ADGRB3: variants seen among roughly 807,000 people sequenced by gnomAD.
The protein encoded by ADGRB3 is brain-specific angiogenesis inhibitor 3.
ADGRB3 carries 37 observed loss-of-function variants against 193.4 expected under a neutral mutation model. That is an observed-to-expected ratio of 0.19 (90% CI 0.15 to 0.25). The LOEUF (loss-of-function observed/expected upper bound fraction) is 0.25, where lower values mean the gene tolerates loss of function less well. Ranked by LOEUF, ADGRB3 falls within the 10% of genes least tolerant of loss-of-function variation. The pLI is 1.00. For synonymous variants in ADGRB3, 690 were observed against 644.2 expected (o/e 1.07, Z -1.08); for missense variants, 1,637 against 1,852.9 (o/e 0.88, Z 2.14).
chr6:68,815,880 T>C (rs1463325205), intron 3 of ADGRB3, among the ~76,000 whole-genome samples: 2 of 152,066 alleles, frequency 1.3e-5, no homozygotes, highest in Admixed American at 1.3e-4. Flanking sequence ...TATTTTTGAT[T>C]TTACACTGGT....
chr6:68,862,887 T>G (rs563952), intron 3 of ADGRB3, among the ~76,000 whole-genome samples: 132,958 of 152,122 alleles, frequency 0.87, 58,367 homozygotes, highest in Middle Eastern at 0.95. Context: ...ATCAAGATTT[T>G]TGTCTCTTTT....
chr6:68,654,067 A>G (rs1768436042), intron 3 of ADGRB3, among the ~76,000 whole-genome samples: 1 of 152,106 alleles, frequency 6.6e-6, no homozygotes, highest in Non-Finnish European at 1.5e-5. Flanking sequence ...TTTCTACAAT[A>G]GGTCATGAGG....
chr6:68,752,855 G>T (rs1215445862), intron 3 of ADGRB3, among the ~76,000 whole-genome samples: 2 of 152,130 alleles, frequency 1.3e-5, no homozygotes, highest in African/African-American at 4.8e-5. Context: ...TTTCAGTGAT[G>T]GGAAAAATTG....
intron 3 of ADGRB3, among the ~76,000 whole-genome samples, chr6:68,898,196 T>A (rs1176321364): frequency 1.3e-5 from 2 of 151,858 alleles, no homozygotes; most frequent in Non-Finnish European, 2.9e-5. Flanking sequence ...GGGCCACTGG[T>A]GTAAGTCTGG....
chr6:68,853,066 T>C (rs1469010790), intron 3 of ADGRB3, among the ~76,000 whole-genome samples: 1 of 152,082 alleles, frequency 6.6e-6, no homozygotes, highest in Non-Finnish European at 1.5e-5. Context: ...ACCTGAAATA[T>C]CATATAGTTT....
At chr6:68,858,646 A>G (rs1288146431) in intron 3 of ADGRB3, among the ~76,000 whole-genome samples, 1 of 151,136 alleles carries the variant, frequency 6.6e-6, no homozygotes, top group African/African-American at 2.4e-5. Flanking sequence ...TATTCACCCA[A>G]CTAAAAAGTA....
At chr6:68,819,968 C>T (rs1394456889) in intron 3 of ADGRB3, among the ~76,000 whole-genome samples, 1 of 152,018 alleles carries the variant, frequency 6.6e-6, no homozygotes, top group African/African-American at 2.4e-5. Flanking sequence ...TCCACATAAT[C>T]TCTTTTTCTA....
At chr6:69,055,497 T>C (rs913195664) in intron 15 of ADGRB3, among the ~76,000 whole-genome samples, 1 of 152,224 alleles carries the variant, frequency 6.6e-6, no homozygotes, top group Non-Finnish European at 1.5e-5. Flanking sequence ...GAATATTTCA[T>C]TGTTTATGTA....
chr6:69,256,321 C>A (rs1194404049), intron 20 of ADGRB3, among the ~76,000 whole-genome samples: 27 of 152,102 alleles, frequency 1.8e-4, no homozygotes, highest in African/African-American at 6.5e-4. Flanking sequence ...GATATTGATT[C>A]TTCCTACCCA....
At chr6:68,833,958 GT>G (rs11438870) in intron 3 of ADGRB3, among the ~76,000 whole-genome samples, 3 of 148,306 alleles carry the variant, frequency 2.0e-5, no homozygotes, top group Non-Finnish European at 4.5e-5. Context: ...ATACAGGAAG[GT>G]TTTTTTTTTC....
At chr6:69,190,400 A>G (rs1038622624) in intron 17 of ADGRB3, among the ~76,000 whole-genome samples, 1 of 151,984 alleles carries the variant, frequency 6.6e-6, no homozygotes, top group East Asian at 1.9e-4. Flanking sequence ...AAAATAAATA[A>G]ATAAATATAG....
At chr6:68,987,005 C>T (rs1769096070) in intron 10 of ADGRB3, among the ~76,000 whole-genome samples, 1 of 152,102 alleles carries the variant, frequency 6.6e-6, no homozygotes, top group Non-Finnish European at 1.5e-5. Flanking sequence ...TAATCCAGAA[C>T]TCTGAAGAGC....
At chr6:69,261,069 T>C (rs1447962798) in intron 20 of ADGRB3, among the ~76,000 whole-genome samples, 1 of 152,170 alleles carries the variant, frequency 6.6e-6, no homozygotes, top group Non-Finnish European at 1.5e-5. Flanking sequence ...ATTTTTTTAC[T>C]ACAGGCTTTT....
intron 3 of ADGRB3, among the ~76,000 whole-genome samples, chr6:68,909,587 A>C (rs950436513): frequency 2.0e-5 from 3 of 152,182 alleles, no homozygotes; most frequent in African/African-American, 4.8e-5. Context: ...AAAAGGAAGA[A>C]AATGTTGACA....
intron 3 of ADGRB3, among the ~76,000 whole-genome samples, chr6:68,795,969 A>G (rs545454670): frequency 2.0e-4 from 31 of 152,236 alleles, no homozygotes; most frequent in African/African-American, 7.0e-4. Context: ...GTAAAATTTC[A>G]GGTTCCAGCT....
intron 17 of ADGRB3, among the ~76,000 whole-genome samples, chr6:69,204,644 A>T (rs903650576): frequency 6.6e-6 from 1 of 152,170 alleles, no homozygotes; most frequent in Non-Finnish European, 1.5e-5. Flanking sequence ...TCATAAAATT[A>T]ATTTGCCCTG....
chr6:68,920,054 G>T (rs1431749149), intron 3 of ADGRB3, among the ~76,000 whole-genome samples: 1 of 152,136 alleles, frequency 6.6e-6, no homozygotes. Flanking sequence ...CAAAACAAAC[G>T]TGGAAGAAAA....
intron 17 of ADGRB3, among the ~76,000 whole-genome samples, chr6:69,144,667 A>G (rs1015691482): frequency 6.6e-6 from 1 of 152,192 alleles, no homozygotes; most frequent in African/African-American, 2.4e-5. Context: ...TGAAATGATC[A>G]TATTATTTTT....
intron 17 of ADGRB3, among the ~76,000 whole-genome samples, chr6:69,100,752 A>G (rs965800345): frequency 2.0e-5 from 3 of 147,490 alleles, no homozygotes; most frequent in African/African-American, 7.5e-5. Context: ...AAAGCCTTTA[A>G]ATTCAGTTTT....
Sources: gnomAD v4.1 joint callset for allele counts (sites outside exome capture counted in the v4.1 genomes callset) on GRCh38, gnomAD v4.1.1 for gene constraint, MANE v1.5 for transcripts, NCBI Gene and HGNC (gene_info 2026-07-23, HGNC 2026-07-21) for gene names.